The following CLPTM1 variants were observed in gnomAD, a reference collection of about 807,000 sequenced individuals.
The protein encoded by CLPTM1 is CLPTM1 regulator of GABA type A receptor forward trafficking.
CLPTM1 carries 21 observed loss-of-function variants against 77.3 expected under a neutral mutation model. The observed-to-expected ratio is 0.27, with a 90% CI of 0.19 to 0.39. The LOEUF (loss-of-function observed/expected upper bound fraction) is 0.39, where lower values mean the gene tolerates loss of function less well. CLPTM1 is among the 10% of genes least tolerant of loss of function. The pLI, the probability that CLPTM1 is intolerant of heterozygous loss-of-function variation, is 1.00. For synonymous variants in CLPTM1, 373 were observed against 381.0 expected, an observed-to-expected ratio of 0.98 and a Z score of 0.24; for missense variants, 642 against 921.2, an observed-to-expected ratio of 0.70 and a Z score of 3.92.
rs1396586462 is a variant in CLPTM1, at chr19:44,991,799, G to A, written c.1555+426G>A. On this transcript the variant is annotated intron_variant, in intron 12 of 13. Coordinates refer to ENST00000337392, the MANE Select transcript of CLPTM1 (RefSeq NM_001294.4). The surrounding 1 kb of genome is among the most constrained non-coding windows in gnomAD (Gnocchi z 5.4). ...GCGTGCCTGTAGTCCCAGCTACCTG[G>A]GAGGCTGAGGTGGGAGGATCCCTTG... 6.6e-6 allele frequency among the ~76,000 whole-genome samples: 1 copy of A among 152,118 alleles called. No homozygotes were observed. Among genetic ancestry groups the A allele is most frequent in the Non-Finnish European group, 1.5e-5 (1 of 68,020 alleles).
At chr19:44,957,034 C>T (rs757510909) in intron 1 of CLPTM1, among the ~76,000 whole-genome samples, 1 of 152,138 alleles carries the variant, frequency 6.6e-6, no homozygotes, top group Non-Finnish European at 1.5e-5. Context: ...GGATCCACGC[C>T]CCTCCCCAGT....
chr19:44,955,461 C>G lies in CLPTM1; in HGVS notation c.66C>G (p.Ser22=). 1.5e-6 allele frequency: 2 copies of G among 1,323,332 alleles called. No homozygotes were observed. Among genetic ancestry groups the G allele is most frequent in the Non-Finnish European group, 1.9e-6 (2 of 1,037,666 alleles). The allele number at this position is 1,323,332 out of a possible 1,614,324, so 82.0% of individuals were successfully genotyped here. A position where few individuals can be genotyped will look rare whatever the true frequency, so the allele number is the denominator to read the frequency against. ...TGGTGGCGGCCGGGGGAGGCAGCTC[C>G]GGTCAGGTACGGAGGCCGAGAGGGG... ...SAVVAAGGGS[S]GQVTSNGSIG... Residue 22 remains serine (S), a synonymous_variant, in exon 1 of 14, where the codon TCC becomes TCG. Coordinates refer to ENST00000337392, the MANE Select transcript of CLPTM1 (RefSeq NM_001294.4).
intron 2 of CLPTM1, among the ~76,000 whole-genome samples, chr19:44,968,683 C>A (rs1970671872): frequency 6.6e-6 from 1 of 152,090 alleles, no homozygotes; most frequent in South Asian, 2.1e-4. Context: ...AAAGGCCTGG[C>A]CTTGTTTTAT....
chr19:44,960,320 T>A (rs1372955281), intron 1 of CLPTM1, among the ~76,000 whole-genome samples: 1 of 152,166 alleles, frequency 6.6e-6, no homozygotes, highest in East Asian at 1.9e-4. Flanking sequence ...GTACCATTTT[T>A]AATTATCCTG....
chr19:44,954,628 C>T, upstream of CLPTM1: 1 of 1,078,974 alleles, frequency 9.3e-7, no homozygotes, highest in Non-Finnish European at 1.1e-6. Context: ...GGGTTTAGAG[C>T]TGTACGAAGA....
chr19:44,975,316 G>A (rs1970788956), intron 4 of CLPTM1, among the ~76,000 whole-genome samples: 1 of 152,242 alleles, frequency 6.6e-6, no homozygotes, highest in Non-Finnish European at 1.5e-5. Flanking sequence ...TAAGGCTGGG[G>A]CTGCCTAGAT....
At chr19:44,972,394 C>A (rs1970733302) in intron 2 of CLPTM1, among the ~76,000 whole-genome samples, 1 of 151,814 alleles carries the variant, frequency 6.6e-6, no homozygotes, top group Non-Finnish European at 1.5e-5. Flanking sequence ...ACTACAGGCG[C>A]CCGCCACCAT....
intron 2 of CLPTM1, among the ~76,000 whole-genome samples, chr19:44,967,039 C>A (rs1487276492): frequency 2.0e-5 from 3 of 152,160 alleles, no homozygotes; most frequent in Non-Finnish European, 4.4e-5. Flanking sequence ...GACAGGGTTT[C>A]ATCGTGTTAG....
rs757458871 is a variant in CLPTM1 at position 44,962,010 on chromosome 19, G to A, written c.120G>A (p.Gln40=). The A allele has an allele frequency of 6.2e-7, 1 of 1,610,846 alleles. No homozygotes were observed. Among genetic ancestry groups the A allele is most frequent in the Admixed American group, 1.7e-5 (1 of 59,244 alleles). ...SIGRDPPAET[Q]PQNPPAQPAP... The stretch of plus-strand genomic sequence containing the variant: ...GGAGGGACCCGCCAGCGGAGACCCA[G>A]CCTCAGAACCCACCGGCCCAGCCGG... Residue 40 remains glutamine, a synonymous_variant, in exon 2 of 14, where the codon CAG becomes CAA. Transcript: ENST00000337392.
Position 44,993,290 on chromosome 19 carries a change from T to C in CLPTM1, c.*393T>C. ...CACTCCCCCTCCTAGACCGCCGCCCTTTAACACAGTCTGGATTTAATAAAT... is the reference window on the plus strand; with the variant it reads ...CACTCCCCCTCCTAGACCGCCGCCCCTTAACACAGTCTGGATTTAATAAAT... On this transcript the variant is annotated 3_prime_UTR_variant, in exon 14 of 14. Coordinates refer to ENST00000337392, the MANE Select transcript of CLPTM1 (RefSeq NM_001294.4). 2.4e-6 allele frequency: 1 copy of C among 423,620 alleles called. No homozygotes were observed. Among genetic ancestry groups the C allele is most frequent in the Non-Finnish European group, 4.6e-6 (1 of 217,636 alleles). The allele number at this position is 423,620 out of a possible 1,614,324, so 26.2% of individuals were successfully genotyped here. A position where few individuals can be genotyped will look rare whatever the true frequency, so the allele number is the denominator to read the frequency against.
chr19:44,981,917 T>C (rs544250604), intron 5 of CLPTM1, among the ~76,000 whole-genome samples: 62 of 151,956 alleles, frequency 4.1e-4, no homozygotes, highest in Admixed American at 2.6e-3. Context: ...AATAAATAAA[T>C]AAAAAGGTAA....
At chr19:44,986,094 T>C (rs376155760) in intron 6 of CLPTM1, among the ~76,000 whole-genome samples, 1 of 152,256 alleles carries the variant, frequency 6.6e-6, no homozygotes, top group South Asian at 2.1e-4. Flanking sequence ...ATGCCTGTTT[T>C]CCCAGCATTT....
intron 4 of CLPTM1, 139 bp from the exon 5 acceptor site, chr19:44,977,204 A>G (rs1970818447): frequency 1.4e-6 from 1 of 690,582 alleles, no homozygotes; most frequent in Non-Finnish European, 2.6e-6. Context: ...ACCCAGCTAC[A>G]TGCCCCACCC....
At position 44,964,298 on chromosome 19, in the gene CLPTM1, CTTTTTTTTTTTTT is replaced by C. The variant is rs35539206; in HGVS notation, c.185+2241_185+2253del. Among the ~76,000 whole-genome samples, 19 of 68,154 alleles carry C rather than the reference CTTTTTTTTTTTTT, an allele frequency of 2.8e-4. No individual in the cohort carries two copies. The South Asian group carries it at 3.4e-3, about 12-fold the overall frequency. 44.7% of individuals were successfully genotyped at this position (68,154 alleles called of 152,430 possible). On this transcript the variant is annotated intron_variant, in intron 2 of 13. Coordinates refer to ENST00000337392, the MANE Select transcript of CLPTM1 (RefSeq NM_001294.4). ...TTTTAACCTATGTTTTCATTTTAAC[CTTTTTTTTTTTTT>C]TTTTTTTTTTTTTTTTTGAGACAGC...
At chr19:44,966,198 T>G (rs2122252777) in intron 2 of CLPTM1, among the ~76,000 whole-genome samples, 1 of 152,066 alleles carries the variant, frequency 6.6e-6, no homozygotes, top group South Asian at 2.1e-4. Flanking sequence ...GATCACGAGG[T>G]TAGGAGATCG....
intron 1 of CLPTM1, among the ~76,000 whole-genome samples, chr19:44,956,811 CAA>C (rs1358979358): frequency 6.6e-6 from 1 of 152,192 alleles, no homozygotes; most frequent in East Asian, 1.9e-4. Flanking sequence ...TAAAAACAAT[CAA>C]GAGTTACCCC....
Position 44,993,047 on chromosome 19 carries a change from T to A in CLPTM1, c.*150T>A. 1 of 946,132 alleles carries A rather than the reference T, an allele frequency of 1.1e-6. No homozygotes were observed. The highest frequency in any genetic ancestry group is 1.7e-6 in the Non-Finnish European group (1 of 603,270). 58.6% of individuals were successfully genotyped at this position (946,132 alleles called of 1,614,324 possible). ...TCAGGTCAGGGCCCAGCGTGTGATG[T>A]AGGGGCCGGGGCAGGCCAGGGTTTG... On this transcript the variant is annotated 3_prime_UTR_variant, in exon 14 of 14. Transcript: ENST00000337392.
At chr19:44,976,984 C>T (rs772171625) in intron 4 of CLPTM1, among the ~76,000 whole-genome samples, 4 of 152,154 alleles carry the variant, frequency 2.6e-5, no homozygotes, top group African/African-American at 4.8e-5. Context: ...GCTGCTTCTT[C>T]CTGTTGAGTG....
chr19:44,956,472 G>C (rs1028366545), intron 1 of CLPTM1, among the ~76,000 whole-genome samples: 1 of 152,214 alleles, frequency 6.6e-6, no homozygotes, highest in Non-Finnish European at 1.5e-5. Flanking sequence ...GGGGAGCCCA[G>C]AGAAAGAGCA....
Sources: allele counts gnomAD v4.1 joint callset (sites outside exome capture counted in the v4.1 genomes callset), GRCh38; gene constraint gnomAD v4.1.1; non-coding constraint Gnocchi (gnomAD v3.1); transcripts MANE v1.5; gene names NCBI Gene and HGNC (gene_info 2026-07-23, HGNC 2026-07-21).